MAGI3: variants seen among roughly 807,000 people sequenced by gnomAD.
MAGI3 encodes membrane associated guanylate kinase, WW and PDZ domain containing 3, also known as membrane-associated guanylate kinase, WW and PDZ domain-containing protein 3.
A neutral mutation model predicts 121.8 loss-of-function variants in MAGI3; 43 were observed. The observed-to-expected ratio is 0.35, with a 90% confidence interval of 0.28 to 0.46. The LOEUF (loss-of-function observed/expected upper bound fraction) is 0.46. Among genes scored for constraint, MAGI3 ranks in the 20% least tolerant of loss-of-function variants. MAGI3 has a pLI of 1.00. For synonymous variants in MAGI3, 553 were observed against 639.3 expected, an observed-to-expected ratio of 0.86 and a Z score of 2.04; for missense variants, 1,547 against 1,797.3, an observed-to-expected ratio of 0.86 and a Z score of 2.52.
chr1:113,659,387 G>A, intron 16 of MAGI3, 122 bp downstream of exon 16: 1 of 819,686 alleles, frequency 1.2e-6, no homozygotes, highest in African/African-American at 1.8e-5. Context: ...TATGCACGCT[G>A]GAGTCTTATT....
At chr1:113,399,526 A>G (rs993751575) in intron 1 of MAGI3, among the ~76,000 whole-genome samples, 1 of 152,100 alleles carries the variant, frequency 6.6e-6, no homozygotes, top group African/African-American at 2.4e-5. Context: ...TTTTTAGAAA[A>G]ACAGATATTG....
At chr1:113,455,857 C>T (rs1654725911) in intron 1 of MAGI3, among the ~76,000 whole-genome samples, 1 of 152,076 alleles carries the variant, frequency 6.6e-6, no homozygotes, top group African/African-American at 2.4e-5. Flanking sequence ...GGCTGTTTTG[C>T]TTATTCTTGC....
At chr1:113,479,577 A>T (rs1656015524) in intron 1 of MAGI3, among the ~76,000 whole-genome samples, 1 of 152,012 alleles carries the variant, frequency 6.6e-6, no homozygotes. Context: ...CTTGGTAAAG[A>T]TCTCTTTATT....
intron 9 of MAGI3, among the ~76,000 whole-genome samples, chr1:113,629,757 T>TCTCTCC (rs1274672181): frequency 6.0e-4 from 57 of 95,762 alleles, no homozygotes; most frequent in African/African-American, 1.9e-3. Context: ...TCTCTCTCTC[T>TCTCTCC]CTCTCCCTCC....
intron 4 of MAGI3, among the ~76,000 whole-genome samples, chr1:113,590,089 G>A (rs1648603326): frequency 6.6e-6 from 1 of 151,996 alleles, no homozygotes; most frequent in African/African-American, 2.4e-5. Flanking sequence ...TATAAAACAA[G>A]GAGATTAATA....
At chr1:113,442,520 C>T (rs981852798) in intron 1 of MAGI3, among the ~76,000 whole-genome samples, 1 of 151,734 alleles carries the variant, frequency 6.6e-6, no homozygotes, top group Non-Finnish European at 1.5e-5. Context: ...AATTGGTTAA[C>T]CCATTAGAGT....
In MAGI3 at chr1:113,685,489, C is replaced by G. The variant is rs1648490087; in HGVS notation, c.*1475C>G. The G allele has an allele frequency of 6.6e-6, 1 of 152,328 alleles. No individual in the cohort carries two copies. The highest frequency in any genetic ancestry group is 1.5e-5 in the Non-Finnish European group (1 of 68,036). 9.4% of individuals were successfully genotyped at this position (152,328 alleles called of 1,614,324 possible). On this transcript the variant is annotated 3_prime_UTR_variant, in exon 21 of 21. Transcript: ENST00000307546. ...CTTTAACCCAACAACTCAATTAGCC[C>G]CTGTAGATAAGACATGCTTCCCAGA...
chr1:113,627,665 AGCAAGTAACACTT>A (rs1166809585), intron 9 of MAGI3, among the ~76,000 whole-genome samples: 5 of 150,240 alleles, frequency 3.3e-5, no homozygotes, highest in Non-Finnish European at 7.4e-5. Flanking sequence ...GCTCTAGTAA[AGCAAGTAACACTT>A]GCTTTATGTG....
intron 11 of MAGI3, among the ~76,000 whole-genome samples, chr1:113,645,606 C>T (rs1276020266): frequency 6.6e-6 from 1 of 152,160 alleles, no homozygotes; most frequent in Non-Finnish European, 1.5e-5. Flanking sequence ...GTTAGCTTCT[C>T]TGCCTTCTCA....
chr1:113,407,647 C>G (rs1651761477), intron 1 of MAGI3, among the ~76,000 whole-genome samples: 1 of 150,628 alleles, frequency 6.6e-6, no homozygotes. Context: ...CCCAGTTTTT[C>G]TAATTTTACA....
At chr1:113,571,570 A>G (rs931676509) in intron 2 of MAGI3, among the ~76,000 whole-genome samples, 4 of 152,028 alleles carry the variant, frequency 2.6e-5, no homozygotes, top group African/African-American at 4.8e-5. Flanking sequence ...TATTTCCTTG[A>G]GCAGTGGTTT....
rs11447632 is a variant in MAGI3, at chr1:113,678,113, G to GTT, written c.3190-3074_3190-3073dup. The stretch of plus-strand genomic sequence containing the variant: ...GTCTGTTCAATTACAAGTTTTTGTT[G>GTT]TTTTTTTTTTTTGCAGTTTATTGCA... On this transcript the variant is annotated intron_variant, in intron 19 of 20. Coordinates refer to ENST00000307546, the MANE Select transcript of MAGI3 (RefSeq NM_001142782.2). Among the ~76,000 whole-genome samples, 172 of 147,472 alleles carry GTT rather than the reference G, an allele frequency of 1.2e-3. 1 individual carries two copies. The highest frequency in any genetic ancestry group is 1.7e-3 in the Non-Finnish European group (114 of 66,596).
chr1:113,396,637 G>A (rs1200102264), intron 1 of MAGI3, among the ~76,000 whole-genome samples: 2 of 152,108 alleles, frequency 1.3e-5, no homozygotes, highest in African/African-American at 4.8e-5. Flanking sequence ...TCCAAGAAAA[G>A]ATGCATATTT....
intron 3 of MAGI3, among the ~76,000 whole-genome samples, chr1:113,582,205 C>T (rs1648080958): frequency 6.6e-6 from 1 of 152,020 alleles, no homozygotes; most frequent in East Asian, 1.9e-4. Context: ...ATGGTATAAT[C>T]CTTCTGGAGA....
intron 1 of MAGI3, among the ~76,000 whole-genome samples, chr1:113,516,828 A>T (rs1246633085): frequency 2.0e-5 from 3 of 152,098 alleles, no homozygotes; most frequent in Non-Finnish European, 2.9e-5. Context: ...TAACTTCAGC[A>T]GTGATAAATC....
intron 1 of MAGI3, among the ~76,000 whole-genome samples, chr1:113,428,538 G>A (rs1398224630): frequency 2.0e-5 from 3 of 152,054 alleles, no homozygotes; most frequent in Non-Finnish European, 4.4e-5. Flanking sequence ...AATGCAAGCC[G>A]CAAATGTGAG....
At chr1:113,682,777 TA>T (rs1648295356) in intron 20 of MAGI3, 119 bp from the exon 21 acceptor site, 1 of 1,442,838 alleles carries the variant, frequency 6.9e-7, no homozygotes, top group East Asian at 2.5e-5. Context: ...ACAAACTGTA[TA>T]AAATACTCAG....
chr1:113,570,645 A>G (rs1647239121), intron 2 of MAGI3, among the ~76,000 whole-genome samples: 1 of 152,176 alleles, frequency 6.6e-6, no homozygotes, highest in African/African-American at 2.4e-5. Context: ...ATGACCAGTG[A>G]TGATGAGCTT....
chr1:113,476,236 A>C (rs1327637658), intron 1 of MAGI3, among the ~76,000 whole-genome samples: 4 of 151,576 alleles, frequency 2.6e-5, no homozygotes, highest in Non-Finnish European at 5.9e-5. Flanking sequence ...TTCTGCTCTG[A>C]TCTTAGTTAT....
Sources: allele counts gnomAD v4.1 joint callset (sites outside exome capture counted in the v4.1 genomes callset), GRCh38; gene constraint gnomAD v4.1.1; transcripts MANE v1.5; gene names NCBI Gene and HGNC (gene_info 2026-07-23, HGNC 2026-07-21).